The following MROH2B variants were observed in gnomAD, a reference collection of about 807,000 sequenced individuals.
MROH2B encodes maestro heat like repeat family member 2B, also known as maestro heat-like repeat-containing protein family member 2B.
Under a neutral mutation model 208.6 loss-of-function variants are expected in MROH2B, and 177 were observed. The ratio of observed to expected loss-of-function variants is 0.85; its 90% confidence interval spans 0.75 to 0.96. MROH2B has a LOEUF of 0.96. MROH2B is among the 40% of genes least tolerant of loss of function. The probability of loss-of-function intolerance (pLI) is 0.00; values close to 1 mark genes in which losing one functional copy is unlikely to be tolerated. For synonymous variants in MROH2B, 728 were observed against 659.0 expected (o/e 1.10, Z -1.60); for missense variants, 2,002 against 1,878.7 (o/e 1.07, Z -1.21).
intron 24 of MROH2B, among the ~76,000 whole-genome samples, chr5:41,025,544 T>G (rs572960447): frequency 6.6e-6 from 1 of 152,200 alleles, no homozygotes; most frequent in East Asian, 1.9e-4. Context: ...CAATAATTAA[T>G]AGCTTACCAA....
chr5:41,008,662 G>T lies in MROH2B; in HGVS notation c.3552C>A (p.Ser1184Arg). Residue 1184 changes from serine (S) to arginine (R), a missense_variant, in exon 33 of 42, where the codon AGC (serine) becomes AGA (arginine). Ser to Arg is a moderately radical substitution (Grantham distance 110). Coordinates refer to ENST00000399564, the MANE Select transcript of MROH2B (RefSeq NM_173489.5). The part of the protein sequence containing the change: ...LGQKMLTCPW[S>R]HRRHVMQQGE... ...CCTGCTGCATCACATGCCGCCTATG[G>T]CTCCAGGGACAAGTGAGCATCTTCT... 1.2e-6 allele frequency: 2 copies of T among 1,613,936 alleles called. No individual in the cohort carries two copies. The highest frequency in any genetic ancestry group is 2.2e-5 in the East Asian group (1 of 44,884).
Position 40,998,166 on chromosome 5 carries a change from G to T in MROH2B, c.4652-8C>A, listed in dbSNP as rs759658932. The stretch of plus-strand genomic sequence containing the variant: ...GACGAAGTGCTTGGAGTCCTGAAAT[G>T]GCAAGAATAGCAAATAAGTGGAGGA... On this transcript the variant is annotated splice_region_variant and splice_polypyrimidine_tract_variant and intron_variant, in intron 41 of 41. Coordinates refer to ENST00000399564, the MANE Select transcript of MROH2B (RefSeq NM_173489.5). 2 of 1,598,346 alleles carry T rather than the reference G, an allele frequency of 1.3e-6. No individual in the cohort carries two copies. The highest frequency in any genetic ancestry group is 4.5e-5 in the East Asian group (2 of 44,752).
Position 40,998,052 on chromosome 5 carries a change from T to G in MROH2B, c.4758A>C (p.Ter1586TyrextTer5). The change falls in exon 42 of 42, where the codon TAA becomes TAC. Residue 1586 changes from the stop codon to tyrosine, a stop_lost. Transcript: ENST00000399564. ...AGCCAGCAGTTTATTTCTTGATGGC[T>G]TACAGAGGAATGCTTGTCTCTTTAC... The part of the protein sequence containing the change: ...RRCKETSIPL[*>Y] The G allele has an allele frequency of 6.2e-7, 1 of 1,605,448 alleles. No homozygotes were observed.
In MROH2B at chr5:41,000,004, A is replaced by C. The variant is rs143204327; in HGVS notation, c.4482+216T>G. 1.4e-5 allele frequency: 10 copies of C among 697,370 alleles called. No homozygotes were observed. The African/African-American group carries it at 1.4e-4, about 10-fold the overall frequency. The allele number at this position is 697,370 out of a possible 1,614,324, so 43.2% of individuals were successfully genotyped here. A position where few individuals can be genotyped will look rare whatever the true frequency, so the allele number is the denominator to read the frequency against. ...CAGATATGAATTTTAGGAACCAAGGAGAATATATCCCAGTCAGGACTTGGG... is the reference window on the plus strand; with the variant it reads ...CAGATATGAATTTTAGGAACCAAGGCGAATATATCCCAGTCAGGACTTGGG... On this transcript the variant is annotated intron_variant, in intron 39 of 41. Transcript: ENST00000399564.
intron 29 of MROH2B, among the ~76,000 whole-genome samples, chr5:41,015,163 T>C (rs1247267739): frequency 6.6e-6 from 1 of 152,194 alleles, no homozygotes; most frequent in Non-Finnish European, 1.5e-5. Flanking sequence ...ATCCCACATT[T>C]TGGGAAAGGA....
intron 31 of MROH2B, 43 bp from the exon 32 acceptor site, chr5:41,009,449 C>G: frequency 6.2e-7 from 1 of 1,601,390 alleles, no homozygotes; most frequent in South Asian, 1.1e-5. Context: ...GGCACAACCC[C>G]TCGGGCTGTA....
rs1256171284 is a variant in MROH2B, at chr5:40,998,033, C to A, written c.*19G>T. ...AGGAGTCAGATATAGGAAAAGCCAGCAGTTTATTTCTTGATGGCTTACAGA... is the reference window on the plus strand; with the variant it reads ...AGGAGTCAGATATAGGAAAAGCCAGAAGTTTATTTCTTGATGGCTTACAGA... On this transcript the variant is annotated 3_prime_UTR_variant, in exon 42 of 42. Transcript: ENST00000399564. 3.2e-6 allele frequency: 5 copies of A among 1,555,518 alleles called. No individual in the cohort carries two copies. In the Admixed American group the frequency reaches 5.2e-5, roughly 16 times the overall value.
chr5:41,064,610 T>C, intron 4 of MROH2B, 40 bp from the exon 5 acceptor site: 2 of 1,531,940 alleles, frequency 1.3e-6, no homozygotes, highest in Middle Eastern at 1.7e-4. Flanking sequence ...GTTATTTATC[T>C]TCTCAAATTT....
At position 41,069,678 on chromosome 5, in the gene MROH2B, CT is replaced by C. The variant is rs1222402877; in HGVS notation, c.90+12del. 1 of 1,586,378 alleles carries C rather than the reference CT, an allele frequency of 6.3e-7. No individual in the cohort carries two copies. Among genetic ancestry groups the C allele is most frequent in the East Asian group, 2.3e-5 (1 of 44,394 alleles). ...CTGAAAAAGGGAAAAAGATTTTTCTCTGTTTTCCCTACCTTGTTAACAATAT... is the reference window on the plus strand; with the variant it reads ...CTGAAAAAGGGAAAAAGATTTTTCTCGTTTTCCCTACCTTGTTAACAATAT... On this transcript the variant is annotated intron_variant, in intron 2 of 41. Coordinates refer to ENST00000399564, the MANE Select transcript of MROH2B (RefSeq NM_173489.5).
chr5:41,024,630 A>C (rs1203622227), intron 24 of MROH2B, among the ~76,000 whole-genome samples: 1 of 152,208 alleles, frequency 6.6e-6, no homozygotes, highest in Non-Finnish European at 1.5e-5. Flanking sequence ...GATCAATAAG[A>C]CAGAAAGTTA....
chr5:41,011,720 T>C (rs1018676411), intron 30 of MROH2B, among the ~76,000 whole-genome samples: 2 of 151,558 alleles, frequency 1.3e-5, no homozygotes, highest in Non-Finnish European at 2.9e-5. Context: ...CAGGCTGGAG[T>C]GCAGTTGCAC....
Position 41,013,799 on chromosome 5 carries a change from G to C in MROH2B, c.2983-1064C>G, listed in dbSNP as rs1167488118. On this transcript the variant is annotated intron_variant, in intron 29 of 41. Coordinates refer to ENST00000399564, the MANE Select transcript of MROH2B (RefSeq NM_173489.5). ...TATTATGTGTCGGGCACCTTTTAAG[G>C]CATTTGACATATTTTCCCTTCCTGT... Among the ~76,000 whole-genome samples, 4 of 152,098 alleles carry C rather than the reference G, an allele frequency of 2.6e-5. No individual in the cohort carries two copies. In the East Asian group the frequency reaches 7.7e-4, roughly 29 times the overall value.
In MROH2B at chr5:41,009,460, A is replaced by T. The variant is rs1741706617; in HGVS notation, c.3294-54T>A. 5 of 1,588,800 alleles carry T rather than the reference A, an allele frequency of 3.1e-6. No individual in the cohort carries two copies. The African/African-American group carries it at 6.7e-5, about 21-fold the overall frequency. On this transcript the variant is annotated intron_variant, in intron 31 of 41. Transcript: ENST00000399564. ...ATAAGGCACAACCCCTCGGGCTGTA[A>T]GCTTTTCCATCTGACTCACTCTAAA...
At chr5:40,998,745 G>T in intron 40 of MROH2B, 68 bp from the exon 41 acceptor site, 1 of 1,339,624 alleles carries the variant, frequency 7.5e-7, no homozygotes, top group Non-Finnish European at 1.0e-6. Context: ...AGTATAGCAG[G>T]TTAGACTCTG....
At chr5:41,012,555 C>CA (rs770374646) in intron 30 of MROH2B, 28 bp downstream of exon 30, 43 of 1,598,962 alleles carry the variant, frequency 2.7e-5, no homozygotes, top group Non-Finnish European at 3.6e-5. Flanking sequence ...GAAATCTGTT[C>CA]AGTTGTTAAA....
chr5:41,000,789 G>C lies in MROH2B; in HGVS notation c.4239C>G (p.Asp1413Glu). The C allele has an allele frequency of 1.9e-6, 3 of 1,611,640 alleles. No homozygotes were observed. Among genetic ancestry groups the C allele is most frequent in the Non-Finnish European group, 2.5e-6 (3 of 1,178,986 alleles). The change falls in exon 38 of 42, where the codon GAC becomes GAG. Residue 1413 changes from aspartate (D) to glutamate (E), a missense_variant. Transcript: ENST00000399564. ...VRLTAIFLFE[D>E]LAPLTGRRWK... ...ACCTTCTTCCTGTTAGGGGTGCCAG[G>C]TCCTCAAATAAGAAGATGGCAGTCA...
chr5:41,036,127 T>TACACAC (rs200762121), intron 21 of MROH2B, among the ~76,000 whole-genome samples: 7 of 124,220 alleles, frequency 5.6e-5, no homozygotes, highest in Non-Finnish European at 7.0e-5. Flanking sequence ...ATATATTATA[T>TACACAC]ATACACACAC....
intron 31 of MROH2B, 56 bp from the exon 32 acceptor site, chr5:41,009,462 C>A: frequency 6.3e-7 from 1 of 1,583,272 alleles, no homozygotes; most frequent in Non-Finnish European, 8.6e-7. Context: ...GGGCTGTAAG[C>A]TTTTCCATCT....
chr5:41,045,625 A>C, intron 18 of MROH2B, 121 bp downstream of exon 18: 4 of 671,472 alleles, frequency 6.0e-6, no homozygotes, highest in Non-Finnish European at 7.4e-6. Flanking sequence ...AAAAGAGGGA[A>C]CTCTTTTTTT....
Sources: allele counts gnomAD v4.1 joint callset (sites outside exome capture counted in the v4.1 genomes callset), GRCh38; gene constraint gnomAD v4.1.1; transcripts MANE v1.5; gene names NCBI Gene and HGNC (gene_info 2026-07-23, HGNC 2026-07-21).